INTS6: variants seen among roughly 807,000 people sequenced by gnomAD.
INTS6 encodes DEAD box protein.
A neutral mutation model predicts 104.9 loss-of-function variants in INTS6; 16 were observed. The observed-to-expected ratio is 0.15, with a 90% CI of 0.10 to 0.23. The LOEUF (loss-of-function observed/expected upper bound fraction) is 0.23, where lower values mean the gene tolerates loss of function less well. INTS6 is among the 10% of genes least tolerant of loss of function. The pLI is 1.00. For missense variants in INTS6, 584 were observed against 1,062.8 expected, an observed-to-expected ratio of 0.55 and a Z score of 6.26; for synonymous variants, 324 against 358.7, an observed-to-expected ratio of 0.90 and a Z score of 1.09.
chr13:51,431,538 C>T (rs150026252), intron 3 of INTS6, among the ~76,000 whole-genome samples: 3 of 152,236 alleles, frequency 2.0e-5, no homozygotes, highest in African/African-American at 7.2e-5. Flanking sequence ...GGTCCTATAA[C>T]CTTTCTCTTA....
intron 4 of INTS6, among the ~76,000 whole-genome samples, chr13:51,412,077 G>A (rs1042359386): frequency 1.3e-5 from 2 of 152,138 alleles, no homozygotes; most frequent in Non-Finnish European, 2.9e-5. Context: ...AATTTTTTGT[G>A]TCCACTGTAT....
At chr13:51,375,733 G>A (rs1955910037) in intron 13 of INTS6, among the ~76,000 whole-genome samples, 1 of 117,804 alleles carries the variant, frequency 8.5e-6, no homozygotes, top group Non-Finnish European at 1.7e-5. Flanking sequence ...TTTGATAAGT[G>A]GGTGTGTGTG....
In INTS6 at chr13:51,452,586, A is replaced by G; in HGVS notation, c.-61T>C. Reference sequence around the variant, plus strand: ...GAGAAAGAGGAGATGGTAGAGGTGGAGGCGCCGGTGGCGGCGACCGCCGCT... The same window carrying G: ...GAGAAAGAGGAGATGGTAGAGGTGGGGGCGCCGGTGGCGGCGACCGCCGCT... On this transcript the variant is annotated 5_prime_UTR_variant, in exon 1 of 18. Transcript: ENST00000311234. This position sits in a 1 kb window ranked among gnomAD's most constrained non-coding sequence, Gnocchi z 4.2. 3 of 1,574,636 alleles carry G rather than the reference A, an allele frequency of 1.9e-6. No individual in the cohort carries two copies. Among genetic ancestry groups the G allele is most frequent in the Non-Finnish European group, 2.6e-6 (3 of 1,158,008 alleles).
In INTS6 at chr13:51,449,456, G is replaced by A. The variant is rs903228743; in HGVS notation, c.339+1569C>T. ...TTACAAATGTCCTCAGCCTCTCCAT[G>A]ACAAGCAGTTTTTCGAAGGAAGCAA... is the stretch of plus-strand genomic sequence containing the variant. On this transcript the variant is annotated intron_variant, in intron 3 of 17. Coordinates refer to ENST00000311234, the MANE Select transcript of INTS6 (RefSeq NM_012141.3). 3.0e-6 allele frequency: 3 copies of A among 984,376 alleles called. No individual in the cohort carries two copies. In the African/African-American group the frequency reaches 5.2e-5, roughly 17 times the overall value. The allele number at this position is 984,376 out of a possible 1,614,324, so 61.0% of individuals were successfully genotyped here.
At chr13:51,357,914 T>C (rs928827994), downstream of INTS6, among the ~76,000 whole-genome samples, 1 of 152,146 alleles carries the variant, frequency 6.6e-6, no homozygotes, top group Non-Finnish European at 1.5e-5. Flanking sequence ...CTCTGCTCGG[T>C]AAGAAGTACA....
chr13:51,341,394 C>G, the INTS6 span: 1 of 1,504,554 alleles, frequency 6.6e-7, no homozygotes, highest in Non-Finnish European at 9.0e-7. Context: ...CCTGTTCACA[C>G]TCACACTCTC....
At chr13:51,428,315 A>AC (rs1306745676) in intron 4 of INTS6, among the ~76,000 whole-genome samples, 3 of 150,226 alleles carry the variant, frequency 2.0e-5, no homozygotes, top group Non-Finnish European at 4.4e-5. Flanking sequence ...ATTTAAAATG[A>AC]CTTTTTTTTT....
At chr13:51,379,364 T>C (rs1956002296) in intron 11 of INTS6, 98 bp downstream of exon 11, 1 of 507,916 alleles carries the variant, frequency 2.0e-6, no homozygotes. Flanking sequence ...ATAATGGAAT[T>C]CCATTAGAAC....
intron 4 of INTS6, among the ~76,000 whole-genome samples, chr13:51,396,007 AG>A (rs1956330456): frequency 6.6e-6 from 1 of 152,152 alleles, no homozygotes; most frequent in Non-Finnish European, 1.5e-5. Flanking sequence ...CATGTTGACC[AG>A]GATGGTCTCA....
intron 4 of INTS6, among the ~76,000 whole-genome samples, chr13:51,423,421 A>G (rs1956929692): frequency 6.6e-6 from 1 of 152,028 alleles, no homozygotes; most frequent in Non-Finnish European, 1.5e-5. Context: ...AGAATACTAT[A>G]CCATCCTTTG....
At chr13:51,361,401 AT>A (rs750629937), downstream of INTS6, 1 of 1,275,510 alleles carries the variant, frequency 7.8e-7, no homozygotes, top group Non-Finnish European at 1.1e-6. Context: ...CTGCTTACCC[AT>A]ATCTACCTTT....
intron 4 of INTS6, chr13:51,423,125 T>C (rs748207338): frequency 9.1e-7 from 1 of 1,099,316 alleles, no homozygotes; most frequent in Middle Eastern, 2.3e-4. Flanking sequence ...TATAAACGTA[T>C]GGAGCTGCCG....
chr13:51,383,201 T>A, intron 9 of INTS6, 128 bp downstream of exon 9: 1 of 728,812 alleles, frequency 1.4e-6, no homozygotes, highest in Non-Finnish European at 2.1e-6. Flanking sequence ...TTCTTAAAGA[T>A]GTTCAACATT....
downstream of INTS6, among the ~76,000 whole-genome samples, chr13:51,353,498 C>A (rs1955431801): frequency 6.6e-6 from 1 of 152,248 alleles, no homozygotes; most frequent in African/African-American, 2.4e-5. Context: ...AACTAGTTTG[C>A]AGGTAGTTAC....
intron 9 of INTS6, among the ~76,000 whole-genome samples, chr13:51,382,511 A>T (rs1956071834): frequency 6.6e-6 from 1 of 152,228 alleles, no homozygotes. Context: ...TTTCTCCAAC[A>T]GCACTCCTCA....
At position 51,383,736 on chromosome 13, in the gene INTS6, A is replaced by C. The variant is rs534243378; in HGVS notation, c.900T>G (p.Pro300=). The C allele has an allele frequency of 3.7e-6, 6 of 1,602,978 alleles. No individual in the cohort carries two copies. The African/African-American group carries it at 5.3e-5, about 14-fold the overall frequency. The change falls in exon 8 of 18, where the codon CCT becomes CCG. Residue 300 remains proline (P), a synonymous_variant. Coordinates refer to ENST00000311234, the MANE Select transcript of INTS6 (RefSeq NM_012141.3). Reference sequence around the variant, plus strand: ...ACTTCACTACAGGATGAGATGTACGAGGTGGCTAAAGGGGAAAGTCTTGTA... The same window carrying C: ...ACTTCACTACAGGATGAGATGTACGCGGTGGCTAAAGGGGAAAGTCTTGTA... ...WPDQNSPTLP[P]RTSHPVVKFS...
the INTS6 span, chr13:51,344,505 T>G: frequency 6.5e-7 from 1 of 1,536,332 alleles, no homozygotes. Flanking sequence ...AACTGTACAT[T>G]TCAACAAGGC....
intron 4 of INTS6, among the ~76,000 whole-genome samples, chr13:51,409,250 G>A (rs1459363404): frequency 6.9e-6 from 1 of 144,438 alleles, no homozygotes; most frequent in Non-Finnish European, 1.5e-5. Flanking sequence ...GTGACAGAGT[G>A]AGAATCCGTC....
At chr13:51,338,060 C>A in the INTS6 span, among the ~76,000 whole-genome samples, 4 of 152,028 alleles carry the variant, frequency 2.6e-5, no homozygotes, top group East Asian at 7.7e-4. Context: ...GCATTTTTCC[C>A]GAAGGATGCT....
Sources: allele counts gnomAD v4.1 joint callset (sites outside exome capture counted in the v4.1 genomes callset), GRCh38; gene constraint gnomAD v4.1.1; non-coding constraint Gnocchi (gnomAD v3.1); transcripts MANE v1.5; gene names NCBI Gene and HGNC (gene_info 2026-07-23, HGNC 2026-07-21).